Variants in SGCD observed in about 807,000 individuals in gnomAD.
SGCD encodes delta-sarcoglycan.
In SGCD, 18 loss-of-function variants were observed where a neutral mutation model predicts 36.6. The observed-to-expected ratio is 0.49, with a 90% CI of 0.34 to 0.73. SGCD has a LOEUF of 0.73. Among genes scored for constraint, SGCD ranks in the 30% least tolerant of loss-of-function variants. The probability of loss-of-function intolerance (pLI) is 0.01; values close to 1 mark genes in which losing one functional copy is unlikely to be tolerated. For missense variants in SGCD, 387 were observed against 346.7 expected, an observed-to-expected ratio of 1.12 and a Z score of -0.92; for synonymous variants, 133 against 130.6, an observed-to-expected ratio of 1.02 and a Z score of -0.12.
At chr5:156,470,551 T>A (rs1247084806) in intron 3 of SGCD, among the ~76,000 whole-genome samples, 1 of 151,246 alleles carries the variant, frequency 6.6e-6, no homozygotes, top group Non-Finnish European at 1.5e-5. Flanking sequence ...TGTCCATGTG[T>A]TCTCATTGTT....
At chr5:156,315,327 G>C (rs1243963434) in intron 3 of SGCD, among the ~76,000 whole-genome samples, 1 of 151,416 alleles carries the variant, frequency 6.6e-6, no homozygotes, top group East Asian at 1.9e-4. Context: ...TCTGTGTCTG[G>C]CTTATTTCAC....
intron 1 of SGCD, among the ~76,000 whole-genome samples, chr5:155,949,861 T>C (rs898996161): frequency 6.6e-6 from 1 of 152,180 alleles, no homozygotes; most frequent in Non-Finnish European, 1.5e-5. Context: ...TCATAACCCA[T>C]GTATAATACC....
chr5:156,318,919 A>G (rs1193729000), intron 3 of SGCD, among the ~76,000 whole-genome samples: 1 of 152,128 alleles, frequency 6.6e-6, no homozygotes, highest in Non-Finnish European at 1.5e-5. Flanking sequence ...CTTAAATGGC[A>G]CATTCTTTCG....
intron 6 of SGCD, among the ~76,000 whole-genome samples, chr5:156,598,876 A>T (rs1761048297): frequency 6.6e-6 from 1 of 152,216 alleles, no homozygotes; most frequent in African/African-American, 2.4e-5. Context: ...TGGTCACTTC[A>T]AAGCAGGTGG....
chr5:156,284,118 A>C (rs1397517041), intron 3 of SGCD, among the ~76,000 whole-genome samples: 1 of 152,170 alleles, frequency 6.6e-6, no homozygotes, highest in Non-Finnish European at 1.5e-5. Context: ...CCAAGACTAA[A>C]CCAGGAAGAA....
At chr5:156,743,344 T>C (rs1028015411) in intron 7 of SGCD, among the ~76,000 whole-genome samples, 1 of 152,184 alleles carries the variant, frequency 6.6e-6, no homozygotes, top group African/African-American at 2.4e-5. Flanking sequence ...ACTCTTAACC[T>C]CAGGTGATCA....
rs1429485171 is a variant in SGCD at position 156,164,168 on chromosome 5, G to C, written c.-44+40149G>C. ...ACAGTCTTGCAGCTTTTAGAGCTGAGAATTTAAATATAGCCACATAGTCAC... is the reference window on the plus strand; with the variant it reads ...ACAGTCTTGCAGCTTTTAGAGCTGACAATTTAAATATAGCCACATAGTCAC... On this transcript the variant is annotated intron_variant, in intron 3 of 9. Transcript: ENST00000517913. Among the ~76,000 whole-genome samples the C allele has an allele frequency of 4.0e-5, 6 of 151,432 alleles. No individual in the cohort carries two copies. In the East Asian group the frequency reaches 1.2e-3, roughly 29 times the overall value.
intron 3 of SGCD, among the ~76,000 whole-genome samples, chr5:156,140,995 T>C (rs947026068): frequency 1.3e-5 from 2 of 152,182 alleles, no homozygotes; most frequent in Non-Finnish European, 2.9e-5. Flanking sequence ...TGAGGCTTGC[T>C]GCCCAGGGCT....
At chr5:155,990,177 C>A (rs1219840005) in intron 1 of SGCD, among the ~76,000 whole-genome samples, 1 of 152,114 alleles carries the variant, frequency 6.6e-6, no homozygotes, top group Non-Finnish European at 1.5e-5. Context: ...TGAGAGGATT[C>A]ACTGTTTTTT....
chr5:155,946,950 C>T (rs1170412963), intron 1 of SGCD, among the ~76,000 whole-genome samples: 1 of 152,130 alleles, frequency 6.6e-6, no homozygotes, highest in African/African-American at 2.4e-5. Context: ...GGACAAGGGT[C>T]ATAGAACCTG....
intron 4 of SGCD, among the ~76,000 whole-genome samples, chr5:156,530,972 G>C (rs899599409): frequency 6.6e-6 from 1 of 152,164 alleles, no homozygotes; most frequent in Non-Finnish European, 1.5e-5. Flanking sequence ...TCGGGTTAGG[G>C]AGTGTTGTGG....
chr5:156,070,180 G>A (rs959311406), intron 1 of SGCD, among the ~76,000 whole-genome samples: 12 of 150,580 alleles, frequency 8.0e-5, no homozygotes, highest in East Asian at 3.9e-4. Context: ...GAATAGGAGC[G>A]GTGAGAGAGG....
chr5:155,739,934 G>A, the SGCD span, among the ~76,000 whole-genome samples: 1 of 152,090 alleles, frequency 6.6e-6, no homozygotes, highest in African/African-American at 2.4e-5. Context: ...TGAAATTATA[G>A]CATGGGGAAT....
At chr5:155,843,288 A>G in the SGCD span, among the ~76,000 whole-genome samples, 1 of 152,124 alleles carries the variant, frequency 6.6e-6, no homozygotes, top group Non-Finnish European at 1.5e-5. Context: ...CTCAGTTTTA[A>G]ATCAGGTGGC....
intron 6 of SGCD, 131 bp from the exon 7 acceptor site, chr5:156,647,333 C>T (rs575948592): frequency 1.6e-4 from 94 of 573,548 alleles, no homozygotes; most frequent in Non-Finnish European, 2.7e-4. Flanking sequence ...GCTCTAAAGC[C>T]AGTGGAAAAA....
At chr5:156,639,028 C>T (rs1762931619) in intron 6 of SGCD, among the ~76,000 whole-genome samples, 1 of 151,476 alleles carries the variant, frequency 6.6e-6, no homozygotes, top group African/African-American at 2.4e-5. Flanking sequence ...TTGTCTTCAT[C>T]ACTATCTTTT....
Position 156,453,217 on chromosome 5 carries a change from T to C in SGCD, c.193-55384T>C, listed in dbSNP as rs75399416. 7.4e-3 allele frequency among the ~76,000 whole-genome samples: 1,124 copies of C among 152,274 alleles called. 12 individuals carry two copies. The highest frequency in any genetic ancestry group is 0.025 in the African/African-American group (1,057 of 41,546). Reference sequence around the variant, plus strand: ...AGAGGAGAAATAAGATAATATGACATTTGAAGCACTGTCACATGGAAGAGG... The same window carrying C: ...AGAGGAGAAATAAGATAATATGACACTTGAAGCACTGTCACATGGAAGAGG... On this transcript the variant is annotated intron_variant, in intron 3 of 8. Transcript: ENST00000337851.
chr5:156,100,226 CA>C (rs1761489268), intron 1 of SGCD, among the ~76,000 whole-genome samples: 1 of 149,054 alleles, frequency 6.7e-6, no homozygotes, highest in South Asian at 2.1e-4. Context: ...AATTTGGAGC[CA>C]AAAAACATTC....
At chr5:156,644,177 A>C (rs1763143862) in intron 6 of SGCD, among the ~76,000 whole-genome samples, 1 of 152,172 alleles carries the variant, frequency 6.6e-6, no homozygotes, top group Non-Finnish European at 1.5e-5. Context: ...ACAAGAAGTG[A>C]TTCATCATAA....
Sources: allele counts gnomAD v4.1 joint callset (sites outside exome capture counted in the v4.1 genomes callset), GRCh38; gene constraint gnomAD v4.1.1; transcripts MANE v1.5; gene names NCBI Gene and HGNC (gene_info 2026-07-23, HGNC 2026-07-21).